Variants in PAK3 observed in about 807,000 individuals in gnomAD.
PAK3 encodes serine/threonine-protein kinase PAK 3.
A neutral mutation model predicts 41.0 loss-of-function variants in PAK3; 4 were observed. The observed-to-expected ratio is 0.10, with a 90% CI of 0.05 to 0.22. The LOEUF is 0.22. PAK3 is among the 10% of genes least tolerant of loss of function. PAK3 has a pLI of 1.00. For synonymous variants in PAK3, 146 were observed against 139.6 expected, an observed-to-expected ratio of 1.05 and a Z score of -0.32; for missense variants, 205 against 409.9, an observed-to-expected ratio of 0.50 and a Z score of 4.32.
intron 1 of PAK3, among the ~76,000 whole-genome samples, chrX:111,084,930 T>G (rs1404788455): frequency 8.9e-6 from 1 of 111,831 alleles, no homozygotes; most frequent in African/African-American, 3.3e-5. Flanking sequence ...ACAAATGACC[T>G]ACTGAGTAAA....
At chrX:110,955,577 G>A (rs2090838693) in intron 1 of PAK3, among the ~76,000 whole-genome samples, 1 of 111,635 alleles carries the variant, frequency 9.0e-6, no homozygotes, top group African/African-American at 3.3e-5. Flanking sequence ...GTTTGAGGCT[G>A]CAGTGAGCTG....
chrX:111,131,443 A>G (rs1456917309), intron 5 of PAK3, among the ~76,000 whole-genome samples: 1 of 111,731 alleles, frequency 9.0e-6, no homozygotes, highest in Non-Finnish European at 1.9e-5. Flanking sequence ...TAAAATTCTT[A>G]TTCAGCGTGT....
chrX:111,196,488 C>A lies in PAK3; in HGVS notation c.1255C>A (p.Arg419=). 8.3e-7 allele frequency: 1 copy of A among 1,209,449 alleles called. No individual in the cohort carries two copies. Among genetic ancestry groups the A allele is most frequent in the Non-Finnish European group, 1.1e-6 (1 of 893,335 alleles). The change falls in exon 16 of 18, where the codon CGA becomes AGA. Residue 419 remains arginine, a synonymous_variant. Coordinates refer to ENST00000372007, the MANE Select transcript of PAK3 (RefSeq NM_002578.5). ...CCAGATCACTCCTGAGCAAAGTAAA[C>A]GAAGCACTATGGTGGGAACCCCATA... ...CAQITPEQSK[R]STMVGTPYWM... is the part of the protein sequence containing the mutation.
chrX:110,971,376 T>A (rs2091204836), intron 1 of PAK3, among the ~76,000 whole-genome samples: 1 of 112,369 alleles, frequency 8.9e-6, no homozygotes, highest in Non-Finnish European at 1.9e-5. Flanking sequence ...TCACTTAGCA[T>A]AATGTTTTCA....
intron 17 of PAK3, 145 bp downstream of exon 17, chrX:111,216,703 C>T (rs748557530): frequency 8.5e-5 from 46 of 538,554 alleles, no homozygotes; most frequent in African/African-American, 4.4e-4. Flanking sequence ...ACTATAGGCA[C>T]GCATCTAATA....
At chrX:111,046,912 A>G (rs1377076110) in intron 1 of PAK3, among the ~76,000 whole-genome samples, 1 of 111,800 alleles carries the variant, frequency 8.9e-6, no homozygotes, top group African/African-American at 3.3e-5. Context: ...GTTATATTGT[A>G]CATAGCTCTC....
chrX:111,168,231 C>T (rs767187474), intron 10 of PAK3, among the ~76,000 whole-genome samples: 41 of 111,760 alleles, frequency 3.7e-4, no homozygotes, highest in Non-Finnish European at 6.6e-4. Context: ...TTTTCAAATA[C>T]AAGTATTTAG....
intron 6 of PAK3, among the ~76,000 whole-genome samples, chrX:111,143,982 C>T (rs764627840): frequency 9.0e-6 from 1 of 110,813 alleles, no homozygotes; most frequent in East Asian, 2.8e-4. Context: ...TTATTCTTTC[C>T]ACTTTTCAAA....
chrX:110,987,154 T>C (rs932400218), intron 1 of PAK3, among the ~76,000 whole-genome samples: 7 of 112,189 alleles, frequency 6.2e-5, no homozygotes, highest in Non-Finnish European at 9.4e-5. Flanking sequence ...TAGTGGCTGG[T>C]GGCATTTAAC....
chrX:110,998,578 G>C (rs183996217), intron 1 of PAK3, among the ~76,000 whole-genome samples: 170 of 112,098 alleles, frequency 1.5e-3, no homozygotes, highest in African/African-American at 5.3e-3. Context: ...CAGCAATGGG[G>C]CAGTAGCAGT....
chrX:111,188,389 C>G (rs1396233284), intron 11 of PAK3, among the ~76,000 whole-genome samples: 1 of 110,180 alleles, frequency 9.1e-6, no homozygotes, highest in African/African-American at 3.3e-5. Context: ...GGCCCCCCTC[C>G]CTAGCTTTAA....
intron 1 of PAK3, among the ~76,000 whole-genome samples, chrX:110,991,687 A>G (rs1309188644): frequency 8.9e-6 from 1 of 112,375 alleles, no homozygotes; most frequent in East Asian, 2.8e-4. Flanking sequence ...ATAGGCAATC[A>G]TGCCAAATCT....
At chrX:111,191,578 C>G (rs1270202501) in intron 11 of PAK3, among the ~76,000 whole-genome samples, 1 of 111,528 alleles carries the variant, frequency 9.0e-6, no homozygotes, top group Non-Finnish European at 1.9e-5. Context: ...TGAAGATAGT[C>G]TTAAAAATTG....
chrX:111,087,466 A>G (rs949203114), intron 1 of PAK3, among the ~76,000 whole-genome samples: 1 of 109,558 alleles, frequency 9.1e-6, no homozygotes, highest in African/African-American at 3.3e-5. Context: ...ACAGGTGCTT[A>G]ATTATATGAA....
intron 1 of PAK3, among the ~76,000 whole-genome samples, chrX:111,078,212 T>C (rs1022124529): frequency 3.6e-5 from 4 of 110,992 alleles, no homozygotes; most frequent in African/African-American, 1.3e-4. Flanking sequence ...CACCTTCTTT[T>C]ATTGTACTTT....
intron 4 of PAK3, among the ~76,000 whole-genome samples, chrX:111,119,626 T>A (rs1385799456): frequency 8.9e-6 from 1 of 112,466 alleles, no homozygotes; most frequent in African/African-American, 3.2e-5. Context: ...CATAGGCAGA[T>A]TGAACCAGCA....
intron 1 of PAK3, among the ~76,000 whole-genome samples, chrX:111,025,510 C>A (rs928743184): frequency 9.0e-6 from 1 of 111,014 alleles, no homozygotes; most frequent in Non-Finnish European, 1.9e-5. Context: ...CTACTATGAG[C>A]ACCTATAAGT....
chrX:111,039,923 G>A lies in PAK3; in HGVS notation c.-27-83154G>A, dbSNP rs1489100795. Among the ~76,000 whole-genome samples, 3 of 107,385 alleles carry A rather than the reference G, an allele frequency of 2.8e-5. No individual in the cohort carries two copies. In the East Asian group the frequency reaches 8.8e-4, roughly 31 times the overall value. 93.3% of individuals were successfully genotyped at this position (107,385 alleles called of 115,157 possible). On this transcript the variant is annotated intron_variant, in intron 1 of 14. Coordinates refer to the PAK3 transcript ENST00000425146. ...AGTCTGCCAACCCTGAAAAGCCAGGGGATTTCCTGCATGTTAGAGAATGGC... is the reference window on the plus strand; with the variant it reads ...AGTCTGCCAACCCTGAAAAGCCAGGAGATTTCCTGCATGTTAGAGAATGGC...
intron 1 of PAK3, among the ~76,000 whole-genome samples, chrX:111,066,392 A>T (rs1419692981): frequency 8.9e-6 from 1 of 112,097 alleles, no homozygotes; most frequent in African/African-American, 3.2e-5. Context: ...AGATTTTGGC[A>T]TTGATTTTTA....
Sources: allele counts gnomAD v4.1 joint callset (sites outside exome capture counted in the v4.1 genomes callset), GRCh38; gene constraint gnomAD v4.1.1; transcripts MANE v1.5; gene names NCBI Gene and HGNC (gene_info 2026-07-23, HGNC 2026-07-21).